FGGY: variants seen among roughly 807,000 people sequenced by gnomAD.
The protein encoded by FGGY is FGGY carbohydrate kinase domain containing.
A neutral mutation model predicts 71.3 loss-of-function variants in FGGY; 72 were observed. That is an observed-to-expected ratio of 1.01 (90% CI 0.84 to 1.23). The LOEUF (loss-of-function observed/expected upper bound fraction) is 1.23, where lower values mean the gene tolerates loss of function less well. Ranked by LOEUF, FGGY falls within the 50% of genes most tolerant of loss-of-function variation. The pLI is 0.00. For synonymous variants in FGGY, 251 were observed against 250.3 expected, an observed-to-expected ratio of 1.00 and a Z score of -0.02; for missense variants, 668 against 682.3, an observed-to-expected ratio of 0.98 and a Z score of 0.23.
chr1:59,607,315 CG>C (rs2096633113), intron 8 of FGGY, among the ~76,000 whole-genome samples: 1 of 152,182 alleles, frequency 6.6e-6, no homozygotes, highest in African/African-American at 2.4e-5. Context: ...GTTTGAGGAG[CG>C]AAAGACAGAA....
At chr1:59,762,409 A>G in intron 15 of FGGY, 94 bp from the exon 16 acceptor site, 1 of 905,088 alleles carries the variant, frequency 1.1e-6, no homozygotes, top group South Asian at 1.6e-5. Flanking sequence ...CAGCATCACC[A>G]CCACACATAT....
intron 8 of FGGY, among the ~76,000 whole-genome samples, chr1:59,598,905 A>G (rs947835318): frequency 7.9e-5 from 12 of 152,220 alleles, no homozygotes; most frequent in Non-Finnish European, 1.6e-4. Flanking sequence ...GTTAATACAC[A>G]TTACAGATGT....
intron 14 of FGGY, among the ~76,000 whole-genome samples, chr1:59,729,429 A>T (rs1489034718): frequency 1.3e-5 from 2 of 152,046 alleles, no homozygotes; most frequent in African/African-American, 4.8e-5. Context: ...ATGCCTTTTA[A>T]TATTTTGTTG....
chr1:59,379,221 T>C (rs892154627), intron 5 of FGGY, among the ~76,000 whole-genome samples: 1 of 139,960 alleles, frequency 7.1e-6, no homozygotes, highest in East Asian at 2.2e-4. Context: ...AGGACAGGGA[T>C]ACATTCAGAG....
At chr1:59,343,284 G>A (rs1300209112) in intron 3 of FGGY, among the ~76,000 whole-genome samples, 1 of 152,154 alleles carries the variant, frequency 6.6e-6, no homozygotes, top group Non-Finnish European at 1.5e-5. Flanking sequence ...GTAAAGTGAG[G>A]TAGCTCAAAT....
intron 15 of FGGY, among the ~76,000 whole-genome samples, chr1:59,760,615 TAGAA>T (rs1471451984): frequency 1.3e-5 from 2 of 152,200 alleles, no homozygotes; most frequent in Non-Finnish European, 2.9e-5. Context: ...TATTCAGCCT[TAGAA>T]AGAAGCAATT....
intron 6 of FGGY, among the ~76,000 whole-genome samples, chr1:59,480,462 A>G (rs2093428544): frequency 6.6e-6 from 1 of 152,230 alleles, no homozygotes; most frequent in Admixed American, 6.5e-5. Flanking sequence ...GTTAACTCTG[A>G]AACCTCACTC....
At chr1:59,587,778 A>G (rs1188289065) in intron 8 of FGGY, among the ~76,000 whole-genome samples, 1 of 152,204 alleles carries the variant, frequency 6.6e-6, no homozygotes, top group Admixed American at 6.5e-5. Context: ...AAGGACATCC[A>G]CACCAAAAAC....
At chr1:59,636,177 C>T (rs973172735) in intron 10 of FGGY, among the ~76,000 whole-genome samples, 15 of 152,100 alleles carry the variant, frequency 9.9e-5, no homozygotes, top group African/African-American at 3.6e-4. Flanking sequence ...GTTGGGCTGC[C>T]CTCACCTCCA....
chr1:59,514,687 G>A (rs1036399400), intron 7 of FGGY, among the ~76,000 whole-genome samples: 15 of 152,088 alleles, frequency 9.9e-5, no homozygotes, highest in African/African-American at 2.9e-4. Flanking sequence ...TCGTGATAGT[G>A]AATAAGTCTC....
At chr1:59,374,340 A>C (rs539586081) in intron 4 of FGGY, among the ~76,000 whole-genome samples, 5 of 152,352 alleles carry the variant, frequency 3.3e-5, no homozygotes, top group African/African-American at 1.2e-4. Flanking sequence ...AATGCAAATC[A>C]AAACCACAAT....
chr1:59,501,211 A>T (rs1342437772), intron 6 of FGGY, among the ~76,000 whole-genome samples: 1 of 152,192 alleles, frequency 6.6e-6, no homozygotes, highest in East Asian at 1.9e-4. Context: ...TGCAATAAAT[A>T]CATGAGGTCA....
intron 14 of FGGY, among the ~76,000 whole-genome samples, chr1:59,728,319 T>C (rs1325136261): frequency 6.6e-6 from 1 of 152,092 alleles, no homozygotes; most frequent in Admixed American, 6.6e-5. Context: ...GGAAGTACTT[T>C]CAATTCCTCC....
At chr1:59,724,918 T>C (rs1257763672) in intron 14 of FGGY, among the ~76,000 whole-genome samples, 1 of 152,230 alleles carries the variant, frequency 6.6e-6, no homozygotes, top group Non-Finnish European at 1.5e-5. Context: ...GTTTGTGGCT[T>C]GTCTTTCCAT....
intron 4 of FGGY, among the ~76,000 whole-genome samples, chr1:59,371,038 T>A (rs1371712154): frequency 2.0e-5 from 3 of 150,582 alleles, no homozygotes; most frequent in South Asian, 2.1e-4. Flanking sequence ...AATGACAGGA[T>A]CAAATTCACA....
At chr1:59,493,917 G>T (rs1170590111) in intron 6 of FGGY, among the ~76,000 whole-genome samples, 3 of 152,020 alleles carry the variant, frequency 2.0e-5, no homozygotes, top group African/African-American at 7.3e-5. Context: ...TCAATGTGTT[G>T]CTTAAAATTA....
At chr1:59,610,954 G>A (rs1488257132) in intron 9 of FGGY, among the ~76,000 whole-genome samples, 1 of 152,248 alleles carries the variant, frequency 6.6e-6, no homozygotes, top group African/African-American at 2.4e-5. Flanking sequence ...AGGCAGCAGT[G>A]AGGCTGGGGT....
intron 4 of FGGY, among the ~76,000 whole-genome samples, chr1:59,360,127 G>GTTATTATTATTATTATTA (rs200166794): frequency 0.093 from 13,473 of 145,554 alleles, 799 homozygotes; most frequent in East Asian, 0.18. Context: ...TTCTATCATT[G>GTTATTATTATTATTATTA]TTATTATTAT....
chr1:59,555,389 G>T (rs535335276), intron 8 of FGGY, among the ~76,000 whole-genome samples: 1 of 152,288 alleles, frequency 6.6e-6, no homozygotes, highest in South Asian at 2.1e-4. Flanking sequence ...TTTGGGCAAG[G>T]TACTTAAACT....
Sources: allele counts gnomAD v4.1 joint callset (sites outside exome capture counted in the v4.1 genomes callset), GRCh38; gene constraint gnomAD v4.1.1; transcripts MANE v1.5; gene names NCBI Gene and HGNC (gene_info 2026-07-23, HGNC 2026-07-21).